Variants in SMARCAD1 observed in about 807,000 individuals in gnomAD.
SMARCAD1 encodes SNF2 related chromatin remodeling ATPase with DExD box 1.
In SMARCAD1, 25 loss-of-function variants were observed where a neutral mutation model predicts 127.1. The ratio of observed to expected loss-of-function variants is 0.20; its 90% CI spans 0.14 to 0.27. The LOEUF (loss-of-function observed/expected upper bound fraction) is 0.27, where lower values mean the gene tolerates loss of function less well. SMARCAD1 is among the 10% of genes least tolerant of loss of function. The probability of loss-of-function intolerance (pLI) is 1.00; values close to 1 mark genes in which losing one functional copy is unlikely to be tolerated. For missense variants in SMARCAD1, 807 were observed against 1,206.0 expected (o/e 0.67, Z 4.90); for synonymous variants, 400 against 396.9 (o/e 1.01, Z -0.09).
At chr4:94,278,539 T>C in intron 17 of SMARCAD1, 22 bp downstream of exon 17, 1 of 1,609,020 alleles carries the variant, frequency 6.2e-7, no homozygotes, top group Non-Finnish European at 8.5e-7. Context: ...CTACATGTTT[T>C]TTATTTTTAT....
intron 2 of SMARCAD1, chr4:94,212,955 T>A: frequency 3.0e-6 from 2 of 668,324 alleles, no homozygotes; most frequent in South Asian, 2.9e-5. Flanking sequence ...TTTATTTTAC[T>A]CTTCTCGGTG....
At chr4:94,242,506 T>G (rs1747748757) in intron 6 of SMARCAD1, among the ~76,000 whole-genome samples, 1 of 152,178 alleles carries the variant, frequency 6.6e-6, no homozygotes, top group Non-Finnish European at 1.5e-5. Context: ...GGCAACAAGA[T>G]GTACTGCCCA....
At chr4:94,275,796 C>CTTTTTTTTTTTTTTTTTT (rs535710589) in intron 14 of SMARCAD1, among the ~76,000 whole-genome samples, 5 of 85,408 alleles carry the variant, frequency 5.9e-5, no homozygotes, top group African/African-American at 1.5e-4. Flanking sequence ...TTAACATTTT[C>CTTTTTTTTTTTTTTTTTT]TTTTTTTTTT....
chr4:94,286,029 T>C (rs970472025), intron 23 of SMARCAD1, among the ~76,000 whole-genome samples: 4 of 152,228 alleles, frequency 2.6e-5, no homozygotes, highest in Admixed American at 6.5e-5. Flanking sequence ...TATCCAAATA[T>C]ATGGATTTTA....
At chr4:94,211,715 T>A (rs1398232099) in intron 2 of SMARCAD1, among the ~76,000 whole-genome samples, 3 of 152,208 alleles carry the variant, frequency 2.0e-5, no homozygotes, top group South Asian at 4.1e-4. Context: ...TTCTTGAATC[T>A]TTCAAGCAAG....
At position 94,249,760 on chromosome 4, in the gene SMARCAD1, G is replaced by A; in HGVS notation, c.807+5G>A. On this transcript the variant is annotated splice_donor_5th_base_variant and intron_variant, in intron 7 of 23. Coordinates refer to ENST00000354268, the MANE Select transcript of SMARCAD1 (RefSeq NM_020159.5). ...TTTCCCAATTTTGATAAACAGGTGA[G>A]TAGTCGTGTATGAAAATTTAATCAG... 2.7e-6 allele frequency: 4 copies of A among 1,497,922 alleles called. No individual in the cohort carries two copies. Among genetic ancestry groups the A allele is most frequent in the Non-Finnish European group, 3.7e-6 (4 of 1,074,838 alleles). 92.8% of individuals were successfully genotyped at this position (1,497,922 alleles called of 1,614,324 possible).
intron 11 of SMARCAD1, among the ~76,000 whole-genome samples, chr4:94,271,212 A>T (rs1297338262): frequency 6.6e-6 from 1 of 152,180 alleles, no homozygotes; most frequent in Non-Finnish European, 1.5e-5. Flanking sequence ...CTTTTTCTAC[A>T]GCTGCCTTTA....
intron 23 of SMARCAD1, among the ~76,000 whole-genome samples, chr4:94,288,433 T>C (rs1755258650): frequency 6.6e-6 from 1 of 152,150 alleles, no homozygotes; most frequent in African/African-American, 2.4e-5. Flanking sequence ...ATATAGTAAT[T>C]TATGAAGTGT....
At chr4:94,220,728 A>G (rs891046543) in intron 2 of SMARCAD1, among the ~76,000 whole-genome samples, 1 of 152,262 alleles carries the variant, frequency 6.6e-6, no homozygotes, top group East Asian at 1.9e-4. Flanking sequence ...CTGGTGCCTT[A>G]GCACCACGGA....
intron 23 of SMARCAD1, among the ~76,000 whole-genome samples, chr4:94,289,231 G>C (rs575064871): frequency 5.9e-5 from 9 of 152,084 alleles, no homozygotes; most frequent in African/African-American, 2.2e-4. Context: ...TTTTTATATA[G>C]CTTTATAAAA....
At chr4:94,252,275 G>A (rs184304597) in intron 8 of SMARCAD1, among the ~76,000 whole-genome samples, 26 of 152,286 alleles carry the variant, frequency 1.7e-4, no homozygotes, top group Non-Finnish European at 3.2e-4. Context: ...GCATCATTCT[G>A]CTATATTCTT....
At chr4:94,259,662 T>C (rs1021690630) in intron 9 of SMARCAD1, among the ~76,000 whole-genome samples, 9 of 152,188 alleles carry the variant, frequency 5.9e-5, no homozygotes, top group African/African-American at 2.2e-4. Context: ...CTCCCCTTCA[T>C]TGCCTCCCCC....
At chr4:94,226,824 A>G (rs996604699) in intron 3 of SMARCAD1, among the ~76,000 whole-genome samples, 1 of 151,988 alleles carries the variant, frequency 6.6e-6, no homozygotes, top group Admixed American at 6.6e-5. Flanking sequence ...TTATGGGCAA[A>G]GGGAAGAGGA....
chr4:94,210,675 GAAGCCTGT>G (rs1360362719), intron 2 of SMARCAD1, among the ~76,000 whole-genome samples: 1 of 152,056 alleles, frequency 6.6e-6, no homozygotes, highest in African/African-American at 2.4e-5. Flanking sequence ...CGCGGTGGCT[GAAGCCTGT>G]AATCCCAGCA....
At chr4:94,263,740 CAT>C (rs1458221507) in intron 9 of SMARCAD1, among the ~76,000 whole-genome samples, 1 of 151,820 alleles carries the variant, frequency 6.6e-6, no homozygotes, top group East Asian at 1.9e-4. Context: ...AATAGGATGA[CAT>C]GAATAAAAAT....
intron 10 of SMARCAD1, among the ~76,000 whole-genome samples, chr4:94,268,151 A>G (rs930373151): frequency 2.0e-5 from 3 of 152,222 alleles, no homozygotes; most frequent in Non-Finnish European, 4.4e-5. Flanking sequence ...TATAACAAAT[A>G]TTTCAATGTA....
chr4:94,221,189 T>G (rs1744064093), intron 2 of SMARCAD1, among the ~76,000 whole-genome samples: 1 of 152,200 alleles, frequency 6.6e-6, no homozygotes, highest in African/African-American at 2.4e-5. Flanking sequence ...CTTAGACATT[T>G]CTGAGAAGAT....
At chr4:94,248,606 A>C (rs1012606052) in intron 6 of SMARCAD1, 2 of 451,772 alleles carry the variant, frequency 4.4e-6, no homozygotes, top group Non-Finnish European at 8.9e-6. Flanking sequence ...AAAAAAGACT[A>C]ACCTTAGGCT....
At chr4:94,272,175 A>G (rs1040173295) in intron 11 of SMARCAD1, among the ~76,000 whole-genome samples, 1 of 151,784 alleles carries the variant, frequency 6.6e-6, no homozygotes, top group South Asian at 2.1e-4. Flanking sequence ...GGACAGTCAT[A>G]TTGGGTTCAG....
Sources: allele counts gnomAD v4.1 joint callset (sites outside exome capture counted in the v4.1 genomes callset), GRCh38; gene constraint gnomAD v4.1.1; transcripts MANE v1.5; gene names NCBI Gene and HGNC (gene_info 2026-07-23, HGNC 2026-07-21).